Variants in CA5A observed in about 807,000 individuals in gnomAD.
The protein encoded by CA5A is carbonic anhydrase 5A, also known as carbonic anhydrase 5A, mitochondrial.
A neutral mutation model predicts 37.1 loss-of-function variants in CA5A; 28 were observed. The ratio of observed to expected loss-of-function variants is 0.75; its 90% CI spans 0.56 to 1.03. CA5A has a LOEUF of 1.03. CA5A is among the 50% of genes least tolerant of loss of function. CA5A has a pLI of 0.00. For missense variants in CA5A, 444 were observed against 399.9 expected, an observed-to-expected ratio of 1.11 and a Z score of -0.94; for synonymous variants, 171 against 158.4, an observed-to-expected ratio of 1.08 and a Z score of -0.60.
At chr16:87,922,296 G>C (rs867502883) in intron 2 of CA5A, among the ~76,000 whole-genome samples, 4 of 152,246 alleles carry the variant, frequency 2.6e-5, no homozygotes, top group Non-Finnish European at 4.4e-5. Flanking sequence ...GGAAAGTTGC[G>C]AGGCTGTTCC....
In CA5A at chr16:87,888,013, T is replaced by C. The variant is rs2055662344; in HGVS notation, c.*116A>G. The C allele has an allele frequency of 1.4e-6, 2 of 1,444,160 alleles. No individual in the cohort carries two copies. Among genetic ancestry groups the C allele is most frequent in the East Asian group, 2.3e-5 (1 of 42,860 alleles). The allele number at this position is 1,444,160 out of a possible 1,614,324, so 89.5% of individuals were successfully genotyped here. A position where few individuals can be genotyped will look rare whatever the true frequency, so the allele number is the denominator to read the frequency against. ...CTGAAAAGTACTTCGACTAAAACAA[T>C]AACCTCATGCTCTCTTTTTAATTTC... On this transcript the variant is annotated 3_prime_UTR_variant, in exon 7 of 7. Transcript: ENST00000649794.
At chr16:87,888,782 G>A (rs1406049809) in intron 6 of CA5A, among the ~76,000 whole-genome samples, 3 of 152,166 alleles carry the variant, frequency 2.0e-5, no homozygotes, top group African/African-American at 4.8e-5. Flanking sequence ...ACAGTGTTTC[G>A]CTCTTGTTTC....
intron 2 of CA5A, among the ~76,000 whole-genome samples, chr16:87,906,668 C>CTGGAAAA (rs1380518431): frequency 3.3e-5 from 5 of 151,936 alleles, no homozygotes; most frequent in Non-Finnish European, 7.4e-5. Flanking sequence ...AAGGTGTAAA[C>CTGGAAAA]TGGAAAATGG....
At position 87,911,742 on chromosome 16, in the gene CA5A, C is replaced by CA. The variant is rs1416546216; in HGVS notation, c.341-6839dup. 3.3e-5 allele frequency among the ~76,000 whole-genome samples: 5 copies of CA among 152,198 alleles called. No homozygotes were observed. The highest frequency in any genetic ancestry group is 1.2e-4 in the African/African-American group (5 of 41,458). On this transcript the variant is annotated intron_variant, in intron 2 of 6. Transcript: ENST00000649794. The surrounding 1 kb of genome is among the most constrained non-coding windows in gnomAD (Gnocchi z 4.6). ...TGGAAGTTAGCCTCTGAGACCATCA[C>CA]ATATTGGCACTGGTTTGAAAGCCAG...
intron 5 of CA5A, among the ~76,000 whole-genome samples, chr16:87,898,059 C>T (rs2055828400): frequency 6.6e-6 from 1 of 152,154 alleles, no homozygotes; most frequent in South Asian, 2.1e-4. Context: ...ACCCTTGGAG[C>T]CCTGAGCACT....
At chr16:87,925,814 G>T (rs947398882) in intron 2 of CA5A, among the ~76,000 whole-genome samples, 1 of 144,370 alleles carries the variant, frequency 6.9e-6, no homozygotes, top group African/African-American at 2.5e-5. Flanking sequence ...AGCCCACCCC[G>T]TCCCTCCACC....
At chr16:87,919,801 G>A (rs1232232856) in intron 2 of CA5A, among the ~76,000 whole-genome samples, 1 of 152,188 alleles carries the variant, frequency 6.6e-6, no homozygotes, top group East Asian at 1.9e-4. Flanking sequence ...AAGGCAGGGG[G>A]CAGCGGCGGG....
At chr16:87,922,010 G>A (rs765546274) in intron 2 of CA5A, among the ~76,000 whole-genome samples, 59 of 152,062 alleles carry the variant, frequency 3.9e-4, no homozygotes, top group Non-Finnish European at 7.1e-4. Flanking sequence ...TGGGACCACA[G>A]GCATGCACCA....
At chr16:87,922,756 A>T (rs564319130) in intron 2 of CA5A, among the ~76,000 whole-genome samples, 1 of 152,212 alleles carries the variant, frequency 6.6e-6, no homozygotes. Flanking sequence ...CCTTCTCTGC[A>T]TGGAGGTCAG....
At chr16:87,930,835 G>A (rs1889310436) in intron 1 of CA5A, among the ~76,000 whole-genome samples, 2 of 151,798 alleles carry the variant, frequency 1.3e-5, no homozygotes, top group East Asian at 1.9e-4. Flanking sequence ...CCAACTCCCT[G>A]GTTCAGGCGA....
intron 2 of CA5A, among the ~76,000 whole-genome samples, chr16:87,913,451 G>A (rs1016309663): frequency 3.9e-5 from 6 of 151,970 alleles, no homozygotes; most frequent in Admixed American, 1.3e-4. Flanking sequence ...CACCATGCCC[G>A]GCTAATTTTT....
intron 2 of CA5A, among the ~76,000 whole-genome samples, chr16:87,908,728 G>GT (rs1305232585): frequency 1.3e-5 from 2 of 152,198 alleles, no homozygotes; most frequent in African/African-American, 4.8e-5. Flanking sequence ...TTTCCCAAGG[G>GT]TTTCCAGCAG....
exon 5 of CA5A, chr16:87,881,930 A>G (rs1157972279): frequency 6.6e-6 from 1 of 152,246 alleles, no homozygotes; most frequent in Non-Finnish European, 1.5e-5. Flanking sequence ...TGGTGGGTGC[A>G]GAGGGCCCCC....
intron 1 of CA5A, among the ~76,000 whole-genome samples, chr16:87,930,898 G>A (rs1172420126): frequency 6.6e-6 from 1 of 151,896 alleles, no homozygotes; most frequent in Non-Finnish European, 1.5e-5. Context: ...GTGCCACCAC[G>A]CCTGGGGAAT....
chr16:87,923,296 C>A (rs759786269), intron 2 of CA5A, among the ~76,000 whole-genome samples: 2 of 152,200 alleles, frequency 1.3e-5, no homozygotes, highest in African/African-American at 2.4e-5. Context: ...TCAAGCGATT[C>A]TCCTGCCTCA....
chr16:87,914,933 G>A (rs77807417), intron 2 of CA5A, among the ~76,000 whole-genome samples: 9,543 of 152,316 alleles, frequency 0.063, 450 homozygotes, highest in Non-Finnish European at 0.096. Context: ...TCTTCGGAAC[G>A]AGAGTTAATC....
chr16:87,908,628 C>G (rs1255520666), intron 2 of CA5A, among the ~76,000 whole-genome samples: 1 of 152,142 alleles, frequency 6.6e-6, no homozygotes, highest in African/African-American at 2.4e-5. Context: ...CAACAAGGGC[C>G]AGGAACGGGA....
chr16:87,924,727 G>A (rs552848922), intron 2 of CA5A, among the ~76,000 whole-genome samples: 3 of 152,394 alleles, frequency 2.0e-5, no homozygotes, highest in Admixed American at 6.5e-5. Context: ...TGTAAGGAAG[G>A]TGAATGCTGC....
intron 2 of CA5A, among the ~76,000 whole-genome samples, chr16:87,918,318 G>C (rs1441075049): frequency 1.3e-5 from 2 of 152,234 alleles, no homozygotes; most frequent in African/African-American, 2.4e-5. Flanking sequence ...GACAGGCACA[G>C]TGTGGCAGCG....
Sources: gnomAD v4.1 joint callset for allele counts (sites outside exome capture counted in the v4.1 genomes callset) on GRCh38, gnomAD v4.1.1 for gene constraint, Gnocchi (gnomAD v3.1) non-coding constraint, MANE v1.5 for transcripts, NCBI Gene and HGNC (gene_info 2026-07-23, HGNC 2026-07-21) for gene names.